The following PRKG1 variants were observed in gnomAD, a reference collection of about 807,000 sequenced individuals.
PRKG1 encodes the protein protein kinase cGMP-dependent 1.
A neutral mutation model predicts 88.1 loss-of-function variants in PRKG1; 35 were observed. The observed-to-expected ratio is 0.40, with a 90% confidence interval of 0.30 to 0.53. The LOEUF (loss-of-function observed/expected upper bound fraction) is 0.53, where lower values mean the gene tolerates loss of function less well. Ranked by LOEUF, PRKG1 falls within the 20% of genes least tolerant of loss-of-function variation. The pLI, the probability that PRKG1 is intolerant of heterozygous loss-of-function variation, is 0.59. For synonymous variants in PRKG1, 303 were observed against 292.5 expected, an observed-to-expected ratio of 1.04 and a Z score of -0.37; for missense variants, 540 against 839.8, an observed-to-expected ratio of 0.64 and a Z score of 4.41.
At chr10:52,041,560 C>A (rs1287695380) in intron 5 of PRKG1, among the ~76,000 whole-genome samples, 2 of 152,072 alleles carry the variant, frequency 1.3e-5, no homozygotes, top group Admixed American at 6.6e-5. Context: ...TAGTATAGTT[C>A]TTTAAATGTT....
chr10:51,194,568 C>G (rs1476102324), intron 2 of PRKG1, among the ~76,000 whole-genome samples: 1 of 152,038 alleles, frequency 6.6e-6, no homozygotes, highest in African/African-American at 2.4e-5. Context: ...TGAGTTTCAA[C>G]AGTCCTAGAA....
intron 2 of PRKG1, among the ~76,000 whole-genome samples, chr10:51,191,059 C>A (rs2132040048): frequency 6.6e-6 from 1 of 151,942 alleles, no homozygotes; most frequent in Middle Eastern, 3.4e-3. Context: ...AAATAGTAGG[C>A]TAAACTGTTA....
chr10:51,095,336 G>A (rs1482807514), intron 1 of PRKG1, among the ~76,000 whole-genome samples: 1 of 152,072 alleles, frequency 6.6e-6, no homozygotes, highest in East Asian at 1.9e-4. Context: ...CTCCCAAAAT[G>A]TTTTGGTCAA....
At chr10:52,239,237 G>C in intron 9 of PRKG1, among the ~76,000 whole-genome samples, 1 of 138,826 alleles carries the variant, frequency 7.2e-6, no homozygotes, top group Non-Finnish European at 1.6e-5. Flanking sequence ...CAAGTTAGTG[G>C]GTGCAGCGCA....
intron 2 of PRKG1, among the ~76,000 whole-genome samples, chr10:51,163,912 C>T (rs1460696677): frequency 1.3e-5 from 2 of 152,202 alleles, no homozygotes; most frequent in Non-Finnish European, 2.9e-5. Context: ...CTGGGTGGAG[C>T]CCACCACAGC....
At chr10:50,999,803 C>A (rs1449895418) in intron 1 of PRKG1, among the ~76,000 whole-genome samples, 1 of 152,200 alleles carries the variant, frequency 6.6e-6, no homozygotes, top group Non-Finnish European at 1.5e-5. Context: ...TACTTGGCTA[C>A]ATATGCTAAA....
chr10:52,209,344 C>G (rs919761971), intron 9 of PRKG1, among the ~76,000 whole-genome samples: 1 of 152,182 alleles, frequency 6.6e-6, no homozygotes, highest in African/African-American at 2.4e-5. Context: ...AAGTATTACA[C>G]TTCTTTTTAT....
chr10:51,756,816 A>AAAATAAATAAATAAAT (rs577394250), intron 3 of PRKG1, among the ~76,000 whole-genome samples: 37 of 151,582 alleles, frequency 2.4e-4, no homozygotes, highest in African/African-American at 6.8e-4. Flanking sequence ...CTCCATCTCA[A>AAAATAAATAAATAAAT]AAATAAATAA....
At chr10:51,605,871 G>GT (rs1282646314) in intron 3 of PRKG1, among the ~76,000 whole-genome samples, 1 of 152,084 alleles carries the variant, frequency 6.6e-6, no homozygotes, top group Non-Finnish European at 1.5e-5. Flanking sequence ...TTACTTGCCA[G>GT]TTTTTTATCC....
At chr10:51,367,957 A>G (rs1842623920) in intron 2 of PRKG1, among the ~76,000 whole-genome samples, 1 of 151,946 alleles carries the variant, frequency 6.6e-6, no homozygotes, top group African/African-American at 2.4e-5. Context: ...AAACTGTTTT[A>G]CAGGGCTTCC....
intron 5 of PRKG1, among the ~76,000 whole-genome samples, chr10:51,932,122 G>T (rs1207430976): frequency 6.6e-6 from 1 of 150,524 alleles, no homozygotes; most frequent in African/African-American, 2.4e-5. Flanking sequence ...TAAATATTCT[G>T]CTTTATTCCT....
chr10:51,857,214 A>G (rs1840705874), intron 4 of PRKG1, among the ~76,000 whole-genome samples: 1 of 152,192 alleles, frequency 6.6e-6, no homozygotes, highest in Non-Finnish European at 1.5e-5. Flanking sequence ...CTGAAGAGCT[A>G]GATAGATTAA....
At chr10:51,611,651 A>AT (rs763522591) in intron 3 of PRKG1, among the ~76,000 whole-genome samples, 2,886 of 129,070 alleles carry the variant, frequency 0.022, 30 homozygotes, top group Middle Eastern at 0.072. Flanking sequence ...CCATTTGTCT[A>AT]TTTTTTTTTT....
chr10:51,135,407 T>A (rs1174291802), intron 1 of PRKG1, among the ~76,000 whole-genome samples: 4 of 152,172 alleles, frequency 2.6e-5, no homozygotes, highest in African/African-American at 9.7e-5. Context: ...TAGACTAGAA[T>A]TCTGATGGGT....
At chr10:52,220,956 G>C (rs1840230986) in intron 9 of PRKG1, among the ~76,000 whole-genome samples, 1 of 149,542 alleles carries the variant, frequency 6.7e-6, no homozygotes, top group South Asian at 2.1e-4. Flanking sequence ...TCTGTTTTTA[G>C]GTGTTTGAGG....
At chr10:51,442,305 TA>T (rs1389158693) in intron 2 of PRKG1, among the ~76,000 whole-genome samples, 1 of 151,986 alleles carries the variant, frequency 6.6e-6, no homozygotes, top group Non-Finnish European at 1.5e-5. Context: ...ATTTTGGTTT[TA>T]ATTTTTTTAA....
intron 7 of PRKG1, among the ~76,000 whole-genome samples, chr10:52,069,374 T>C (rs1257009214): frequency 6.6e-6 from 1 of 151,924 alleles, no homozygotes; most frequent in African/African-American, 2.4e-5. Flanking sequence ...CTACTAAAAA[T>C]ACAAAAATTA....
chr10:51,697,931 C>T, intron 3 of PRKG1: 3 of 1,599,914 alleles, frequency 1.9e-6, no homozygotes, highest in Non-Finnish European at 2.6e-6. Flanking sequence ...TATACCTCCT[C>T]CTTGTATACT....
chr10:51,905,119 A>T (rs746328310), intron 4 of PRKG1, among the ~76,000 whole-genome samples: 3 of 152,170 alleles, frequency 2.0e-5, no homozygotes, highest in Non-Finnish European at 4.4e-5. Context: ...ACAAGGCAGG[A>T]CTAAATTTTT....
Sources: allele counts gnomAD v4.1 joint callset (sites outside exome capture counted in the v4.1 genomes callset), GRCh38; gene constraint gnomAD v4.1.1; transcripts MANE v1.5; gene names NCBI Gene and HGNC (gene_info 2026-07-23, HGNC 2026-07-21).